Variants in PIN4 observed in about 807,000 individuals in gnomAD.
The protein encoded by PIN4 is peptidyl-prolyl cis-trans isomerase NIMA-interacting 4.
PIN4 carries 3 observed loss-of-function variants against 8.3 expected under a neutral mutation model. The observed-to-expected ratio is 0.36, with a 90% CI of 0.16 to 0.93. PIN4 has a LOEUF of 0.93. Ranked by LOEUF, PIN4 falls within the 40% of genes least tolerant of loss-of-function variation. PIN4 has a pLI of 0.44. For missense variants in PIN4, 75 were observed against 100.6 expected (o/e 0.75, Z 1.09); for synonymous variants, 18 against 32.5 (o/e 0.55, Z 1.52).
chrX:72,252,180 G>A (rs1288411130), intron 3 of PIN4, among the ~76,000 whole-genome samples: 1 of 110,337 alleles, frequency 9.1e-6, no homozygotes, highest in Non-Finnish European at 1.9e-5. Flanking sequence ...ACAGGGTCTT[G>A]CTCTGTCACC....
intron 3 of PIN4, among the ~76,000 whole-genome samples, chrX:72,215,517 A>G (rs1214892781): frequency 8.9e-6 from 1 of 112,087 alleles, no homozygotes; most frequent in Non-Finnish European, 1.9e-5. Flanking sequence ...GATTGATGGA[A>G]TAGATGCAAG....
At chrX:72,207,407 T>G in intron 3 of PIN4, 1 of 1,211,268 alleles carries the variant, frequency 8.3e-7, no homozygotes. Context: ...TCCATCAATG[T>G]GTCATCAGTT....
chrX:72,260,978 G>A lies in PIN4; in HGVS notation c.313-1729G>A, dbSNP rs983911845. ...TCTGCTTCCATGAGCTGCTTTCACC[G>A]TGCAGCCAGAGAGAGCTTTTTAAAT... is the stretch of plus-strand genomic sequence containing the variant. On this transcript the variant is annotated intron_variant, in intron 3 of 3. Coordinates refer to the PIN4 transcript ENST00000423432. Among the ~76,000 whole-genome samples the A allele has an allele frequency of 6.3e-5, 7 of 111,756 alleles. No homozygotes were observed. The South Asian group carries it at 1.1e-3, about 18-fold the overall frequency.
chrX:72,196,939 AG>A (rs1377632900), intron 3 of PIN4, 35 bp downstream of exon 3: 3 of 1,091,493 alleles, frequency 2.7e-6, no homozygotes, highest in Middle Eastern at 3.1e-4. Context: ...TTTTCTCTCA[AG>A]GTAAGAAAGC....
At chrX:72,234,754 G>C (rs2043006552) in intron 3 of PIN4, among the ~76,000 whole-genome samples, 1 of 111,396 alleles carries the variant, frequency 9.0e-6, no homozygotes. Context: ...AGGGAATAAT[G>C]CTGGGAAGTA....
chrX:72,205,024 T>C (rs759276710), intron 3 of PIN4: 52 of 1,188,289 alleles, frequency 4.4e-5, no homozygotes, highest in Non-Finnish European at 5.8e-5. Context: ...TCAATTGTTA[T>C]TAAGTTGCTT....
At chrX:72,210,199 T>TAAAAAATA (rs1424042074) in intron 3 of PIN4, among the ~76,000 whole-genome samples, 1 of 77,772 alleles carries the variant, frequency 1.3e-5, no homozygotes, top group Non-Finnish European at 2.4e-5. Context: ...GACTGTCTCT[T>TAAAAAATA]AAAAAATAAA....
In PIN4 at chrX:72,186,500, C is replaced by T. The variant is rs1213489459; in HGVS notation, c.83C>T (p.Ala28Val). ...ASGSDSADKKAQGPKGGGNAV... is the reference protein window; with the variant it reads ...ASGSDSADKKVQGPKGGGNAV... ...GGGAGTGACAGTGCTGACAAGAAGG[C>T]TCAAGGTCCCAAAGGTGGTGGCAAT... is the stretch of plus-strand genomic sequence containing the variant. The change falls in exon 2 of 4, where the codon GCT becomes GTT. Residue 28 changes from alanine to valine, a missense_variant. Ala to Val is a moderately conservative substitution (Grantham distance 64). Coordinates refer to ENST00000373669, the MANE Select transcript of PIN4 (RefSeq NM_006223.4). The T allele has an allele frequency of 8.3e-7, 1 of 1,200,388 alleles. No homozygotes were observed. The highest frequency in any genetic ancestry group is 1.8e-5 in the African/African-American group (1 of 56,916).
intron 3 of PIN4, among the ~76,000 whole-genome samples, chrX:72,225,275 G>A (rs994242671): frequency 8.9e-6 from 1 of 112,059 alleles, no homozygotes; most frequent in Non-Finnish European, 1.9e-5. Context: ...TCCCCCAGGG[G>A]TTTAGGGACA....
At chrX:72,190,731 T>G (rs1021719740) in intron 2 of PIN4, among the ~76,000 whole-genome samples, 1 of 110,466 alleles carries the variant, frequency 9.1e-6, no homozygotes, top group Non-Finnish European at 1.9e-5. Context: ...GGCTTGCGGA[T>G]CACCTGAGGT....
At chrX:72,184,321 A>G (rs763925563) in intron 1 of PIN4, among the ~76,000 whole-genome samples, 1 of 112,007 alleles carries the variant, frequency 8.9e-6, no homozygotes, top group East Asian at 2.8e-4. Context: ...TTAAAGAGCA[A>G]GTATTGTGGG....
chrX:72,213,628 T>G (rs903639242), intron 3 of PIN4, among the ~76,000 whole-genome samples: 2 of 112,253 alleles, frequency 1.8e-5, no homozygotes, highest in African/African-American at 6.5e-5. Context: ...GTTTCTGATA[T>G]AGCAAGGCGC....
intron 3 of PIN4, among the ~76,000 whole-genome samples, chrX:72,262,294 C>T (rs963851474): frequency 2.7e-5 from 3 of 112,258 alleles, no homozygotes; most frequent in Non-Finnish European, 5.6e-5. Context: ...TGGCAGCATT[C>T]AGCGCCCCAC....
At chrX:72,242,979 C>T (rs1253047588) in intron 3 of PIN4, among the ~76,000 whole-genome samples, 1 of 109,974 alleles carries the variant, frequency 9.1e-6, no homozygotes, top group Admixed American at 9.7e-5. Flanking sequence ...CACTACTGCA[C>T]TCCAGTCTGG....
chrX:72,196,701 T>G, intron 2 of PIN4, 84 bp from the exon 3 acceptor site: 1 of 804,463 alleles, frequency 1.2e-6, no homozygotes, highest in Non-Finnish European at 1.8e-6. Context: ...TTTTAACTGG[T>G]GGGGGTAATC....
intron 2 of PIN4, among the ~76,000 whole-genome samples, chrX:72,189,980 G>A (rs754425027): frequency 8.2e-5 from 9 of 110,354 alleles, no homozygotes; most frequent in African/African-American, 2.7e-4. Flanking sequence ...CCCTTTTGTC[G>A]CTATAAGCTC....
At chrX:72,195,049 G>GT (rs1299730301) in intron 2 of PIN4, among the ~76,000 whole-genome samples, 2 of 111,865 alleles carry the variant, frequency 1.8e-5, no homozygotes, top group Non-Finnish European at 3.8e-5. Context: ...TAAGTACAGT[G>GT]TTATGTTTGC....
chrX:72,257,966 G>C (rs746405680), intron 3 of PIN4, among the ~76,000 whole-genome samples: 18 of 111,926 alleles, frequency 1.6e-4, no homozygotes, highest in Non-Finnish European at 3.0e-4. Context: ...TAGCAGAGCT[G>C]AGGTTGGAGG....
chrX:72,262,982 G>C, exon 4 of PIN4: 2 of 367,921 alleles, frequency 5.4e-6, no homozygotes, highest in Non-Finnish European at 9.6e-6. Flanking sequence ...AAACCAGACA[G>C]ATGTGGGGGC....
Sources: allele counts gnomAD v4.1 joint callset (sites outside exome capture counted in the v4.1 genomes callset), GRCh38; gene constraint gnomAD v4.1.1; transcripts MANE v1.5; gene names NCBI Gene and HGNC (gene_info 2026-07-23, HGNC 2026-07-21).